The following TACR3 variants were observed in gnomAD, a reference collection of about 807,000 sequenced individuals.
TACR3 encodes tachykinin receptor 3.
Under a neutral mutation model 35.0 loss-of-function variants are expected in TACR3, and 34 were observed. The ratio of observed to expected loss-of-function variants is 0.97; its 90% CI spans 0.74 to 1.30. The LOEUF (loss-of-function observed/expected upper bound fraction) is 1.30. Ranked by LOEUF, TACR3 falls within the 50% of genes most tolerant of loss-of-function variation. The pLI is 0.00. For synonymous variants in TACR3, 233 were observed against 221.1 expected, an observed-to-expected ratio of 1.05 and a Z score of -0.48; for missense variants, 558 against 591.7, an observed-to-expected ratio of 0.94 and a Z score of 0.59.
chr4:103,639,128 G>A (rs1410364745), intron 3 of TACR3, among the ~76,000 whole-genome samples: 1 of 152,066 alleles, frequency 6.6e-6, no homozygotes, highest in Admixed American at 6.6e-5. Flanking sequence ...CTGCTATAAA[G>A]ACACATGCAC....
chr4:103,647,902 T>A (rs3796963), intron 3 of TACR3, among the ~76,000 whole-genome samples: 23,481 of 151,966 alleles, frequency 0.15, 1,996 homozygotes, highest in African/African-American at 0.18. Context: ...AAGTTTCATA[T>A]TAATTCAAAG....
chr4:103,688,064 A>T (rs932916984), intron 1 of TACR3, among the ~76,000 whole-genome samples: 27 of 152,222 alleles, frequency 1.8e-4, no homozygotes, highest in African/African-American at 6.5e-4. Flanking sequence ...AGATCAATGG[A>T]ACAGAACAGA....
chr4:103,623,381 C>CTATT (rs751063982), intron 3 of TACR3, among the ~76,000 whole-genome samples: 6 of 151,766 alleles, frequency 4.0e-5, no homozygotes, highest in East Asian at 3.9e-4. Context: ...GGATTTTTCT[C>CTATT]TATTTTTTTT....
chr4:103,614,906 T>TTTTTTTTTTTTTTTTTTTTTTTG (rs1445341326), intron 3 of TACR3, among the ~76,000 whole-genome samples: 1 of 132,586 alleles, frequency 7.5e-6, no homozygotes, highest in Non-Finnish European at 1.6e-5. Context: ...TTTTTTTTTT[T>TTTTTTTTTTTTTTTTTTTTTTTG]TTTTTTGAGA....
intron 1 of TACR3, among the ~76,000 whole-genome samples, chr4:103,668,037 G>A (rs1311536505): frequency 6.6e-6 from 1 of 152,064 alleles, no homozygotes; most frequent in South Asian, 2.1e-4. Context: ...TCACCATGTT[G>A]TCCAGGCTGG....
intron 1 of TACR3, among the ~76,000 whole-genome samples, chr4:103,662,964 C>G (rs913973646): frequency 2.0e-5 from 3 of 152,088 alleles, no homozygotes; most frequent in African/African-American, 7.2e-5. Flanking sequence ...CCCTAACAAA[C>G]TAAGACAGTG....
At chr4:103,664,553 C>T (rs867843968) in intron 1 of TACR3, among the ~76,000 whole-genome samples, 18 of 152,222 alleles carry the variant, frequency 1.2e-4, no homozygotes, top group Middle Eastern at 3.4e-3. Flanking sequence ...AATCAATTTG[C>T]TCCTGGTCAT....
At chr4:103,606,635 T>G (rs1459488110) in intron 3 of TACR3, among the ~76,000 whole-genome samples, 3 of 152,154 alleles carry the variant, frequency 2.0e-5, no homozygotes, top group Non-Finnish European at 2.9e-5. Context: ...CTGTTGTTGG[T>G]GTATAAGAAT....
chr4:103,663,506 A>T (rs1340294737), intron 1 of TACR3, among the ~76,000 whole-genome samples: 1 of 151,852 alleles, frequency 6.6e-6, no homozygotes, highest in Non-Finnish European at 1.5e-5. Flanking sequence ...AAAAAATAAA[A>T]AACATATATA....
chr4:103,606,010 A>T (rs1035317954), intron 3 of TACR3, among the ~76,000 whole-genome samples: 7 of 151,834 alleles, frequency 4.6e-5, no homozygotes, highest in Non-Finnish European at 8.8e-5. Context: ...TATAAGGTGT[A>T]AGGAAGGGAT....
At chr4:103,656,049 GA>G in intron 3 of TACR3, 144 bp downstream of exon 3, 1 of 1,021,900 alleles carries the variant, frequency 9.8e-7, no homozygotes, top group Non-Finnish European at 1.4e-6. Flanking sequence ...AAAACCAAAA[GA>G]AAAGAAAAAA....
Position 103,589,816 on chromosome 4 carries a change from T to C in TACR3, c.1264A>G (p.Arg422Gly). The change falls in exon 5 of 5, where the codon AGG (arginine) becomes GGG (glycine). Residue 422 changes from arginine (R) to glycine (G), a missense_variant. Arg to Gly is a moderately radical substitution (Grantham distance 125). Coordinates refer to ENST00000304883, the MANE Select transcript of TACR3 (RefSeq NM_001059.3). ...VFDPNDADTT[R>G]SSRKKRATPR... ...GTTGCTCTTTTCTTCCGACTGGACC[T>C]GGTGGTGTCTGCATCGTTGGGGTCA... The C allele has an allele frequency of 1.9e-6, 3 of 1,613,996 alleles. No homozygotes were observed. Among genetic ancestry groups the C allele is most frequent in the Non-Finnish European group, 1.7e-6 (2 of 1,179,882 alleles).
At chr4:103,632,650 GT>G (rs531622350) in intron 3 of TACR3, among the ~76,000 whole-genome samples, 277 of 142,092 alleles carry the variant, frequency 1.9e-3, no homozygotes, top group African/African-American at 4.5e-3. Context: ...CATGTATCCT[GT>G]TTTTTTTTTT....
At chr4:103,639,644 G>T (rs551977741) in intron 3 of TACR3, among the ~76,000 whole-genome samples, 1 of 151,842 alleles carries the variant, frequency 6.6e-6, no homozygotes, top group East Asian at 1.9e-4. Context: ...AAAATGTAAA[G>T]AAATACTTTT....
rs535050799 is a variant in TACR3, at chr4:103,686,875, A to T, written c.549-28472T>A. On this transcript the variant is annotated intron_variant, in intron 1 of 4. Coordinates refer to ENST00000304883, the MANE Select transcript of TACR3 (RefSeq NM_001059.3). ...TATTCCAATCAATAGAAAAAGAGGG[A>T]ATCCTCCCTAACTCATTTTATGAGG... Among the ~76,000 whole-genome samples, 3 of 152,256 alleles carry T rather than the reference A, an allele frequency of 2.0e-5. No individual in the cohort carries two copies. The South Asian group carries it at 6.2e-4, about 32-fold the overall frequency.
intron 3 of TACR3, among the ~76,000 whole-genome samples, chr4:103,618,564 C>CTTTTTTTTTTTTTTTTTTTTT (rs57837921): frequency 8.1e-5 from 5 of 61,446 alleles, no homozygotes; most frequent in African/African-American, 2.7e-4. Flanking sequence ...GTGACTTGGG[C>CTTTTTTTTTTTTTTTTTTTTT]TTTTTTTTTT....
intron 3 of TACR3, among the ~76,000 whole-genome samples, chr4:103,622,918 AAAAAT>A (rs1247930955): frequency 2.0e-5 from 3 of 152,272 alleles, no homozygotes; most frequent in African/African-American, 4.8e-5. Context: ...CTACACTTCC[AAAAAT>A]AAAATAAAAT....
At chr4:103,643,378 G>A (rs998643212) in intron 3 of TACR3, among the ~76,000 whole-genome samples, 2 of 151,408 alleles carry the variant, frequency 1.3e-5, no homozygotes, top group African/African-American at 2.4e-5. Context: ...GGAAATTTCA[G>A]TAGGGGGGAG....
chr4:103,601,963 T>C (rs1211102006), intron 3 of TACR3, among the ~76,000 whole-genome samples: 1 of 152,238 alleles, frequency 6.6e-6, no homozygotes, highest in African/African-American at 2.4e-5. Context: ...TTCTCCTAGA[T>C]AGTATCCTGC....
Sources: allele counts gnomAD v4.1 joint callset (sites outside exome capture counted in the v4.1 genomes callset), GRCh38; gene constraint gnomAD v4.1.1; transcripts MANE v1.5; gene names NCBI Gene and HGNC (gene_info 2026-07-23, HGNC 2026-07-21).